Variants in ENO4 observed in about 807,000 individuals in gnomAD.
ENO4 encodes 2-phospho-D-glycerate hydro-lyase.
ENO4 carries 53 observed loss-of-function variants against 63.2 expected under a neutral mutation model. The ratio of observed to expected loss-of-function variants is 0.84; its 90% confidence interval spans 0.67 to 1.05. The LOEUF is 1.05. ENO4 is among the 50% of genes least tolerant of loss of function. ENO4 has a pLI of 0.00. For synonymous variants in ENO4, 266 were observed against 283.8 expected (o/e 0.94, Z 0.63); for missense variants, 719 against 772.0 (o/e 0.93, Z 0.81).
rs1225608469 is a variant in ENO4 at position 116,874,131 on chromosome 10, T to C, written c.1271T>C (p.Val424Ala). 5 of 1,550,150 alleles carry C rather than the reference T, an allele frequency of 3.2e-6. No homozygotes were observed. Among genetic ancestry groups the C allele is most frequent in the East Asian group, 2.4e-5 (1 of 40,884 alleles). The change falls in exon 10 of 14, where the codon GTT becomes GCT. Residue 424 changes from valine to alanine, a missense_variant. By Grantham distance (64) the Val-to-Ala change is moderately conservative. Around this residue, in one of 3 missense-constraint regions of ENO4, gnomAD observed 544 missense variants for 583.6 expected, o/e 0.93. Transcript: ENST00000341276. ...MGTYKNAAEM[V>A]DLYVDLINKY... ...ACATACAAAAATGCAGCGGAGATGG[T>C]TGACCTGTATGTGGATCTGATCAAC...
At chr10:116,907,901 C>T (rs762251171) in intron 10 of ENO4, 2 of 518,368 alleles carry the variant, frequency 3.9e-6, no homozygotes, top group South Asian at 2.8e-5. Flanking sequence ...ATCCTGCTCC[C>T]TCCCTGCCTG....
rs1266721218 is a variant in ENO4 at position 116,849,641 on chromosome 10, G to A, written c.75G>A (p.Glu25=). 3.2e-6 allele frequency: 5 copies of A among 1,550,292 alleles called. No individual in the cohort carries two copies. The highest frequency in any genetic ancestry group is 2.4e-5 in the South Asian group (2 of 84,032). Residue 25 remains glutamate (E), a synonymous_variant, in exon 1 of 14, where the codon GAG becomes GAA. Transcript: ENST00000341276. ...AGAAGCTGAAGCAGCAGGCGATGGA[G>A]TACTACCGGGAGAACGACGTTCCGC... The part of the protein sequence containing the change: ...ELQKLKQQAM[E]YYRENDVPRR...
intron 3 of ENO4, among the ~76,000 whole-genome samples, chr10:116,858,452 T>C (rs1485832136): frequency 6.9e-6 from 1 of 144,834 alleles, no homozygotes; most frequent in Non-Finnish European, 1.5e-5. Context: ...GTCTTTGTTT[T>C]TTATTTGCCT....
chr10:116,861,743 T>C (rs1026890809), intron 6 of ENO4, among the ~76,000 whole-genome samples: 13 of 152,108 alleles, frequency 8.5e-5, no homozygotes, highest in African/African-American at 2.7e-4. Flanking sequence ...TCATGATCTA[T>C]AGGAGATGCT....
chr10:116,876,906 G>A (rs557051959), intron 11 of ENO4, among the ~76,000 whole-genome samples: 8 of 152,150 alleles, frequency 5.3e-5, no homozygotes, highest in East Asian at 1.9e-4. Context: ...AGCCGAGATC[G>A]CGCCACTGCA....
At chr10:116,882,969 T>TACACACACACACACAC (rs61072842), downstream of ENO4, 6 of 138,520 alleles carry the variant, frequency 4.3e-5, no homozygotes, top group Admixed American at 2.2e-4. Flanking sequence ...CTTTGAAAAA[T>TACACACACACACACAC]ACACACACAC....
At chr10:116,863,167 ACT>A (rs1846459879) in intron 7 of ENO4, among the ~76,000 whole-genome samples, 1 of 152,054 alleles carries the variant, frequency 6.6e-6, no homozygotes, top group African/African-American at 2.4e-5. Flanking sequence ...GAAGGCAGAG[ACT>A]CTTGTGCCTG....
At chr10:116,868,603 C>T in intron 7 of ENO4, 47 bp from the exon 8 acceptor site, 1 of 1,505,682 alleles carries the variant, frequency 6.6e-7, no homozygotes, top group South Asian at 1.2e-5. Flanking sequence ...GCTGCCACAG[C>T]CATGCTAAAA....
chr10:116,907,819 C>T lies in ENO4; in HGVS notation c.1195-3680C>T, dbSNP rs1314408568. The T allele has an allele frequency of 4.6e-5, 23 of 498,360 alleles. No homozygotes were observed. The East Asian group carries it at 1.0e-3, about 22-fold the overall frequency. The allele number at this position is 498,360 out of a possible 1,614,324, so 30.9% of individuals were successfully genotyped here. On this transcript the variant is annotated intron_variant, in intron 10 of 10. Transcript: ENST00000369207. ...CAGACTTCATGCCAGAGTCAAAAGA[C>T]AGCTTTTGTCCACCAAGGCTAATAA...
rs6144113 is a variant in ENO4 at position 116,893,576 on chromosome 10, G to GCACACACACACA, written c.1194+13600_1194+13611dup. On this transcript the variant is annotated intron_variant, in intron 10 of 10. Coordinates refer to the ENO4 transcript ENST00000369207. ...CCCCCTCCCTGATAGGCACTCATGT[G>GCACACACACACA]CACACACACACACACACACACGAGA... Among the ~76,000 whole-genome samples the GCACACACACACA allele has an allele frequency of 4.4e-4, 54 of 123,592 alleles. 1 individual carries two copies. Among genetic ancestry groups the GCACACACACACA allele is most frequent in the South Asian group, 2.1e-3 (7 of 3,294 alleles). The allele number at this position is 123,592 out of a possible 152,430, so 81.1% of individuals were successfully genotyped here.
intron 10 of ENO4, chr10:116,901,745 TA>T (rs1166071045): frequency 9.6e-6 from 15 of 1,566,274 alleles, no homozygotes; most frequent in Non-Finnish European, 1.3e-5. Flanking sequence ...CACCACTTAG[TA>T]AAGAGCATCG....
intron 8 of ENO4, among the ~76,000 whole-genome samples, chr10:116,870,524 T>C (rs1479819115): frequency 6.6e-6 from 1 of 152,062 alleles, no homozygotes. Flanking sequence ...GCCTGTAGTC[T>C]CAGCTCCTCA....
chr10:116,853,111 C>T (rs1309619259), intron 1 of ENO4, among the ~76,000 whole-genome samples: 4 of 151,918 alleles, frequency 2.6e-5, no homozygotes, highest in Admixed American at 1.3e-4. Context: ...CTGGCTAACA[C>T]GGTGAAACCC....
At chr10:116,880,132 C>T (rs1231783600) in intron 13 of ENO4, 146 bp downstream of exon 13, 2 of 586,006 alleles carry the variant, frequency 3.4e-6, no homozygotes, top group South Asian at 2.5e-5. Context: ...ATGGCACTTG[C>T]CACAATGTAT....
chr10:116,868,562 T>C (rs531182905), intron 7 of ENO4, 88 bp from the exon 8 acceptor site: 115 of 1,072,756 alleles, frequency 1.1e-4, no homozygotes, highest in Admixed American at 9.5e-4. Flanking sequence ...TCAGTGTTGC[T>C]GGTCAGGTCT....
At chr10:116,886,124 T>G (rs1443430816), downstream of ENO4, 2 of 603,238 alleles carry the variant, frequency 3.3e-6, no homozygotes, top group African/African-American at 3.7e-5. Context: ...AACCTCATCT[T>G]TATAAAGATC....
intron 7 of ENO4, chr10:116,864,399 CG>C (rs1846498736): frequency 6.6e-6 from 1 of 151,834 alleles, no homozygotes; most frequent in Non-Finnish European, 1.5e-5. Context: ...TGCTTGAACC[CG>C]GGAGGCAGAG....
intron 10 of ENO4, among the ~76,000 whole-genome samples, chr10:116,893,241 A>T (rs1214189101): frequency 6.6e-6 from 1 of 152,048 alleles, no homozygotes; most frequent in East Asian, 1.9e-4. Flanking sequence ...GGGAAGGAAA[A>T]AAAATGAAGT....
chr10:116,895,484 A>G (rs1847486045), intron 10 of ENO4, among the ~76,000 whole-genome samples: 2 of 152,172 alleles, frequency 1.3e-5, no homozygotes, highest in African/African-American at 4.8e-5. Context: ...ACTCTGTTTT[A>G]CTGGGTAACA....
Sources: allele counts gnomAD v4.1 joint callset (sites outside exome capture counted in the v4.1 genomes callset), GRCh38; gene constraint gnomAD v4.1.1; regional missense constraint gnomAD v4.1.1; transcripts MANE v1.5; gene names NCBI Gene and HGNC (gene_info 2026-07-23, HGNC 2026-07-21).